The following KPNA1 variants were observed in gnomAD, a reference collection of about 807,000 sequenced individuals.
KPNA1 encodes importin subunit alpha-5.
Under a neutral mutation model 70.5 loss-of-function variants are expected in KPNA1, and 10 were observed. That is an observed-to-expected ratio of 0.14 (90% CI 0.09 to 0.24). The LOEUF is 0.24. Ranked by LOEUF, KPNA1 falls within the 10% of genes least tolerant of loss-of-function variation. The pLI is 1.00. For synonymous variants in KPNA1, 192 were observed against 221.9 expected, an observed-to-expected ratio of 0.87 and a Z score of 1.20; for missense variants, 397 against 637.9, an observed-to-expected ratio of 0.62 and a Z score of 4.07.
chr3:122,497,672 G>A (rs1253468036), intron 1 of KPNA1, among the ~76,000 whole-genome samples: 1 of 152,146 alleles, frequency 6.6e-6, no homozygotes, highest in Non-Finnish European at 1.5e-5. Flanking sequence ...GATGACTAAT[G>A]AGATAGAGCA....
intron 8 of KPNA1, 69 bp downstream of exon 8, chr3:122,451,465 C>A: frequency 1.3e-6 from 1 of 779,786 alleles, no homozygotes; most frequent in Non-Finnish European, 2.1e-6. Flanking sequence ...TCCTGTTCAC[C>A]TTACCATTGG....
At chr3:122,478,172 A>AAAAG (rs1560043419) in intron 2 of KPNA1, among the ~76,000 whole-genome samples, 5 of 148,276 alleles carry the variant, frequency 3.4e-5, no homozygotes, top group South Asian at 2.1e-4. Context: ...AAAAAAAAAA[A>AAAAG]AAAAGAAAAG....
chr3:122,513,362 G>C (rs2076977225), intron 1 of KPNA1, among the ~76,000 whole-genome samples: 1 of 152,112 alleles, frequency 6.6e-6, no homozygotes, highest in Non-Finnish European at 1.5e-5. Flanking sequence ...CCATAAAACA[G>C]TGTCTTCCAA....
intron 1 of KPNA1, among the ~76,000 whole-genome samples, chr3:122,511,228 G>A (rs1476626420): frequency 1.3e-5 from 2 of 152,080 alleles, no homozygotes; most frequent in Non-Finnish European, 2.9e-5. Flanking sequence ...ACCCCAAGCT[G>A]CCTATTCTGA....
In KPNA1 at chr3:122,477,286, C is replaced by T. The variant is rs377097404; in HGVS notation, c.130-9857G>A. 5.1e-4 allele frequency among the ~76,000 whole-genome samples: 77 copies of T among 152,202 alleles called. No homozygotes were observed. In the East Asian group the frequency reaches 6.6e-3, roughly 13 times the overall value. On this transcript the variant is annotated intron_variant, in intron 2 of 13. Transcript: ENST00000344337. Reference sequence around the variant, plus strand: ...TGTGGAGGGCTGGGGACAGGAAAGGCTGGAGAGATGTTGGTGAAGGGATAC... The same window carrying T: ...TGTGGAGGGCTGGGGACAGGAAAGGTTGGAGAGATGTTGGTGAAGGGATAC...
intron 2 of KPNA1, among the ~76,000 whole-genome samples, chr3:122,474,724 A>T (rs990258152): frequency 1.3e-5 from 2 of 152,194 alleles, no homozygotes; most frequent in African/African-American, 4.8e-5. Context: ...CAAATCTATG[A>T]ATGTGAATCA....
chr3:122,452,572 G>GGGAGGGAAGGAAGGAAGGAAGGAA, intron 6 of KPNA1, among the ~76,000 whole-genome samples: 1 of 22,418 alleles, frequency 4.5e-5, no homozygotes, highest in East Asian at 1.6e-3. Context: ...GAGGGAAGGA[G>GGGAGGGAAGGAAGGAAGGAAGGAA]GGAAGGAAGG....
rs190507230 is a variant in KPNA1 at position 122,438,675 on chromosome 3, C to T, written c.997-1380G>A. Among the ~76,000 whole-genome samples the T allele has an allele frequency of 9.1e-4, 138 of 152,292 alleles. 2 individuals carry two copies. The highest frequency in any genetic ancestry group is 3.1e-3 in the African/African-American group (128 of 41,554). On this transcript the variant is annotated intron_variant, in intron 10 of 13. Transcript: ENST00000344337. ...TGCTGGGATTACAGGCAGGAGCCAC[C>T]ACGCTCGGCCAGGTATTTCTTTATA... is the stretch of plus-strand genomic sequence containing the variant.
chr3:122,490,873 A>G (rs1213923155), intron 2 of KPNA1, among the ~76,000 whole-genome samples: 1 of 152,148 alleles, frequency 6.6e-6, no homozygotes, highest in South Asian at 2.1e-4. Context: ...TCTTAAACTA[A>G]AAGTATCAGG....
chr3:122,464,503 A>C (rs2076359443), intron 3 of KPNA1, among the ~76,000 whole-genome samples: 1 of 152,186 alleles, frequency 6.6e-6, no homozygotes, highest in African/African-American at 2.4e-5. Flanking sequence ...CTTCCTTGTA[A>C]GCCCAAGACC....
At chr3:122,501,330 T>G (rs965660541) in intron 1 of KPNA1, among the ~76,000 whole-genome samples, 1 of 152,132 alleles carries the variant, frequency 6.6e-6, no homozygotes, top group African/African-American at 2.4e-5. Flanking sequence ...CCAGCATCCT[T>G]TCTTCTTTAA....
rs555541809 is a variant in KPNA1 at position 122,426,755 on chromosome 3, A to AAGAGAGTGGGCCGT, written c.*216_*229dup. On this transcript the variant is annotated 3_prime_UTR_variant, in exon 14 of 14. Coordinates refer to ENST00000344337, the MANE Select transcript of KPNA1 (RefSeq NM_002264.4). ...CCAAAGCCTAGGGATTTTTCCGTAA[A>AAGAGAGTGGGCCGT]AGAGAGTGGGCCGTTCTGGTTACCC... 333 of 418,716 alleles carry AAGAGAGTGGGCCGT rather than the reference A, an allele frequency of 8.0e-4. 2 individuals carry two copies. Among genetic ancestry groups the AAGAGAGTGGGCCGT allele is most frequent in the African/African-American group, 6.2e-3 (307 of 49,652 alleles). 25.9% of individuals were successfully genotyped at this position (418,716 alleles called of 1,614,324 possible). A position where few individuals can be genotyped will look rare whatever the true frequency, so the allele number is the denominator to read the frequency against.
At chr3:122,496,035 G>A (rs1367583457) in intron 2 of KPNA1, among the ~76,000 whole-genome samples, 1 of 152,116 alleles carries the variant, frequency 6.6e-6, no homozygotes, top group African/African-American at 2.4e-5. Flanking sequence ...CTTTCTTTTT[G>A]TGTATATTTT....
chr3:122,452,560 G>GGGAGGGAAGGAGGGAA (rs1560028471), intron 6 of KPNA1, among the ~76,000 whole-genome samples: 2 of 34,740 alleles, frequency 5.8e-5, no homozygotes, highest in Non-Finnish European at 1.2e-4. Context: ...GAGGGAGGGA[G>GGGAGGGAAGGAGGGAA]GGAGGGAAGG....
intron 2 of KPNA1, among the ~76,000 whole-genome samples, chr3:122,476,242 CAAGA>C (rs940411500): frequency 2.0e-5 from 3 of 152,026 alleles, no homozygotes; most frequent in African/African-American, 4.8e-5. Flanking sequence ...TCCATGTGCA[CAAGA>C]AAGAAACTGA....
intron 2 of KPNA1, among the ~76,000 whole-genome samples, chr3:122,483,633 C>A (rs887487747): frequency 3.3e-5 from 5 of 152,180 alleles, no homozygotes; most frequent in African/African-American, 1.2e-4. Flanking sequence ...GTGTGAGCCA[C>A]CGTGCCCAGC....
At chr3:122,494,717 T>TC (rs2076737797) in intron 2 of KPNA1, among the ~76,000 whole-genome samples, 3 of 152,168 alleles carry the variant, frequency 2.0e-5, no homozygotes, top group Non-Finnish European at 4.4e-5. Context: ...TAGATTGCTT[T>TC]CGGTAGTATA....
chr3:122,451,863 A>C, intron 7 of KPNA1, 113 bp downstream of exon 7: 1 of 766,370 alleles, frequency 1.3e-6, no homozygotes, highest in Non-Finnish European at 2.2e-6. Flanking sequence ...CTGGAATTAA[A>C]AATAACACTA....
chr3:122,456,929 G>A (rs1459139585), intron 5 of KPNA1, among the ~76,000 whole-genome samples: 2 of 152,146 alleles, frequency 1.3e-5, no homozygotes, highest in Non-Finnish European at 2.9e-5. Context: ...TGATTACTTT[G>A]CTGTTTTCAC....
Sources: gnomAD v4.1 joint callset for allele counts (sites outside exome capture counted in the v4.1 genomes callset) on GRCh38, gnomAD v4.1.1 for gene constraint, MANE v1.5 for transcripts, NCBI Gene and HGNC (gene_info 2026-07-23, HGNC 2026-07-21) for gene names.